CSNK1D: variants seen among roughly 807,000 people sequenced by gnomAD.
The protein encoded by CSNK1D is casein kinase I isoform delta.
CSNK1D carries 16 observed loss-of-function variants against 46.6 expected under a neutral mutation model. That is an observed-to-expected ratio of 0.34 (90% CI 0.23 to 0.52). The LOEUF is 0.52. Among genes scored for constraint, CSNK1D ranks in the 20% least tolerant of loss-of-function variants. The pLI is 0.95. For missense variants in CSNK1D, 398 were observed against 578.4 expected, an observed-to-expected ratio of 0.69 and a Z score of 3.20; for synonymous variants, 276 against 228.2, an observed-to-expected ratio of 1.21 and a Z score of -1.89.
chr17:82,250,805 C>T lies in CSNK1D; in HGVS notation c.885+574G>A, dbSNP rs545616642. 19 of 172,108 alleles carry T rather than the reference C, an allele frequency of 1.1e-4. No homozygotes were observed. The South Asian group carries it at 1.5e-3, about 14-fold the overall frequency. The allele number at this position is 172,108 out of a possible 1,614,324, so 10.7% of individuals were successfully genotyped here. On this transcript the variant is annotated intron_variant, in intron 6 of 8. Transcript: ENST00000314028. This position sits in a 1 kb window ranked among gnomAD's most constrained non-coding sequence, Gnocchi z 4.6. ...AAACAGTAAGTTTTTAATGAAGGAA[C>T]ACAACAGTTCCACAGGAGCTTCATT...
At chr17:82,258,010 G>C (rs1208773772) in intron 2 of CSNK1D, among the ~76,000 whole-genome samples, 1 of 151,956 alleles carries the variant, frequency 6.6e-6, no homozygotes, top group Non-Finnish European at 1.5e-5. Flanking sequence ...TTTGAGACCA[G>C]AAAGAAAACA....
downstream of CSNK1D, chr17:82,239,855 CCT>C: frequency 1.9e-6 from 1 of 521,470 alleles, no homozygotes; most frequent in Non-Finnish European, 2.9e-6. Flanking sequence ...GTCTTTGCAC[CCT>C]GTCCTCCATC....
chr17:82,247,050 G>C (rs901811366), intron 8 of CSNK1D: 1 of 985,380 alleles, frequency 1.0e-6, no homozygotes, highest in African/African-American at 1.7e-5. Context: ...GAGGGGGCCC[G>C]CCCTGGAGGT....
chr17:82,268,669 A>C (rs2051539938), intron 1 of CSNK1D, among the ~76,000 whole-genome samples: 1 of 152,242 alleles, frequency 6.6e-6, no homozygotes, highest in East Asian at 1.9e-4. Context: ...TCAACAAAAC[A>C]AATTCAACTC....
intron 2 of CSNK1D, among the ~76,000 whole-genome samples, chr17:82,260,404 CTGAG>C (rs1665565848): frequency 7.2e-6 from 1 of 138,520 alleles, no homozygotes; most frequent in African/African-American, 2.8e-5. Context: ...TGATGGTGTA[CTGAG>C]TGATGTGACT....
In CSNK1D at chr17:82,273,107, C is replaced by G. The variant is rs1324890835; in HGVS notation, c.76+199G>C. ...TCCCCCGACCTGGTCCTGCCCCTCCCCCACGTCCGCTCCCCACTGCCCTCC... is the reference window on the plus strand; with the variant it reads ...TCCCCCGACCTGGTCCTGCCCCTCCGCCACGTCCGCTCCCCACTGCCCTCC... On this transcript the variant is annotated intron_variant, in intron 1 of 8. Transcript: ENST00000314028. The surrounding 1 kb of genome is among the most constrained non-coding windows in gnomAD (Gnocchi z 5.1). 1 of 596,654 alleles carries G rather than the reference C, an allele frequency of 1.7e-6. No individual in the cohort carries two copies. Among genetic ancestry groups the G allele is most frequent in the Admixed American group, 2.9e-5 (1 of 34,432 alleles). 37.0% of individuals were successfully genotyped at this position (596,654 alleles called of 1,614,324 possible).
At position 82,250,555 on chromosome 17, in the gene CSNK1D, A is replaced by G; in HGVS notation, c.885+824T>C. The G allele has an allele frequency of 4.0e-6, 1 of 252,602 alleles. No individual in the cohort carries two copies. Among genetic ancestry groups the G allele is most frequent in the Non-Finnish European group, 8.1e-6 (1 of 123,810 alleles). 15.6% of individuals were successfully genotyped at this position (252,602 alleles called of 1,614,324 possible). On this transcript the variant is annotated intron_variant, in intron 6 of 8. Coordinates refer to ENST00000314028, the MANE Select transcript of CSNK1D (RefSeq NM_001893.6). This position sits in a 1 kb window ranked among gnomAD's most constrained non-coding sequence, Gnocchi z 4.6. ...GAGGCTCGGGCCTGCCTCGCCTGCC[A>G]TCTCTCCGGGGCCTCCAAGTACTCC...
chr17:82,239,597 G>A (rs745552148), downstream of CSNK1D: 55 of 215,838 alleles, frequency 2.5e-4, no homozygotes, highest in South Asian at 5.5e-4. Flanking sequence ...TCCCTGCAGC[G>A]GCATAGCATT....
At position 82,264,832 on chromosome 17, in the gene CSNK1D, C is replaced by G. The variant is rs190486240; in HGVS notation, c.187+854G>C. On this transcript the variant is annotated intron_variant, in intron 2 of 8. Transcript: ENST00000314028. The stretch of plus-strand genomic sequence containing the variant: ...TTTTTTTTTGAGACGGAGTCTCGCT[C>G]TTTCATCCAGGCTGGACTGCAGTGG... Among the ~76,000 whole-genome samples the G allele has an allele frequency of 3.9e-3, 570 of 147,618 alleles. 2 individuals carry two copies. The highest frequency in any genetic ancestry group is 0.028 in the South Asian group (130 of 4,704).
rs2050936630 is a variant in CSNK1D, at chr17:82,249,371, C to T, written c.1057+60G>A. The T allele has an allele frequency of 2.7e-6, 4 of 1,496,452 alleles. No homozygotes were observed. The highest frequency in any genetic ancestry group is 3.6e-6 in the Non-Finnish European group (4 of 1,111,078). 92.7% of individuals were successfully genotyped at this position (1,496,452 alleles called of 1,614,324 possible). A position where few individuals can be genotyped will look rare whatever the true frequency, so the allele number is the denominator to read the frequency against. On this transcript the variant is annotated intron_variant, in intron 7 of 8. Transcript: ENST00000314028. This position sits in a 1 kb window ranked among gnomAD's most constrained non-coding sequence, Gnocchi z 6.7. ...CAAGTACCCTGTTGTCCCCACCAAC[C>T]CCAAGACACAAGAAGTCACCCCAGA...
downstream of CSNK1D, among the ~76,000 whole-genome samples, chr17:82,240,904 T>C (rs112395179): frequency 9.6e-4 from 146 of 152,144 alleles, 1 homozygote; most frequent in African/African-American, 3.3e-3. Context: ...CATGGGGCAG[T>C]GGGTCTGCTC....
In CSNK1D at chr17:82,257,046, G is replaced by A. The variant is rs1267426018; in HGVS notation, c.188-1469C>T. Reference sequence around the variant, plus strand: ...ACCATCTCGGCTCACGGCAACCTCCGCCTCCTGGATTCAAGCAATTCTCCT... The same window carrying A: ...ACCATCTCGGCTCACGGCAACCTCCACCTCCTGGATTCAAGCAATTCTCCT... On this transcript the variant is annotated intron_variant, in intron 2 of 8. Coordinates refer to ENST00000314028, the MANE Select transcript of CSNK1D (RefSeq NM_001893.6). 2.6e-5 allele frequency among the ~76,000 whole-genome samples: 4 copies of A among 152,206 alleles called. 1 individual carries two copies. Among genetic ancestry groups the A allele is most frequent in the Admixed American group, 2.0e-4 (3 of 15,278 alleles).
In CSNK1D at chr17:82,273,420, C is replaced by T. The variant is rs925512299; in HGVS notation, c.-39G>A. On this transcript the variant is annotated 5_prime_UTR_variant, in exon 1 of 9. Coordinates refer to ENST00000314028, the MANE Select transcript of CSNK1D (RefSeq NM_001893.6). This position sits in a 1 kb window ranked among gnomAD's most constrained non-coding sequence, Gnocchi z 5.1. ...CGATTCGCTCCTGCCCTCCCGGCCG[C>T]TTCCTGGGTCTGAACTCTGGGAGGC... 1 of 1,607,884 alleles carries T rather than the reference C, an allele frequency of 6.2e-7. No homozygotes were observed. Among genetic ancestry groups the T allele is most frequent in the Non-Finnish European group, 8.5e-7 (1 of 1,178,204 alleles).
intron 8 of CSNK1D, 85 bp from the exon 9 acceptor site, chr17:82,244,916 G>A: frequency 1.3e-6 from 2 of 1,575,700 alleles, no homozygotes; most frequent in Admixed American, 1.7e-5. Context: ...TGCTGGGCAG[G>A]GAGGGGACGC....
chr17:82,258,703 T>C (rs915205081), intron 2 of CSNK1D, among the ~76,000 whole-genome samples: 5 of 152,208 alleles, frequency 3.3e-5, no homozygotes, highest in African/African-American at 1.2e-4. Context: ...AACAAATGCC[T>C]GCCATGTGTT....
At chr17:82,239,029 C>T (rs1302591985), downstream of CSNK1D, 7 of 1,473,012 alleles carry the variant, frequency 4.8e-6, no homozygotes, top group Non-Finnish European at 6.3e-6. Flanking sequence ...GCCGGCAACG[C>T]TTGCTATTTA....
chr17:82,266,508 G>C (rs753256964), intron 1 of CSNK1D, among the ~76,000 whole-genome samples: 5 of 152,224 alleles, frequency 3.3e-5, no homozygotes, highest in Non-Finnish European at 1.5e-5. Flanking sequence ...ATCGGACTAT[G>C]AGTTTGGAGG....
chr17:82,263,831 A>G (rs551101809), intron 2 of CSNK1D, among the ~76,000 whole-genome samples: 111 of 152,344 alleles, frequency 7.3e-4, no homozygotes, highest in African/African-American at 2.4e-3. Context: ...CTTCAAGGCA[A>G]TGCAGGCTCC....
chr17:82,263,617 T>G (rs1430833452), intron 2 of CSNK1D, among the ~76,000 whole-genome samples: 1 of 152,262 alleles, frequency 6.6e-6, no homozygotes, highest in Non-Finnish European at 1.5e-5. Flanking sequence ...CAGGGTTGGC[T>G]TCCCCAGTGA....
Sources: gnomAD v4.1 joint callset for allele counts (sites outside exome capture counted in the v4.1 genomes callset) on GRCh38, gnomAD v4.1.1 for gene constraint, Gnocchi (gnomAD v3.1) non-coding constraint, MANE v1.5 for transcripts, NCBI Gene and HGNC (gene_info 2026-07-23, HGNC 2026-07-21) for gene names.